Variants in CDK15 observed in about 807,000 individuals in gnomAD.
CDK15 encodes cyclin dependent kinase 15, also known as cyclin-dependent kinase 15.
A neutral mutation model predicts 60.3 loss-of-function variants in CDK15; 62 were observed. The ratio of observed to expected loss-of-function variants is 1.03; its 90% CI spans 0.84 to 1.27. The LOEUF (loss-of-function observed/expected upper bound fraction) is 1.27. Among genes scored for constraint, CDK15 ranks in the 50% most tolerant of loss-of-function variants. The pLI, the probability that CDK15 is intolerant of heterozygous loss-of-function variation, is 0.00. For missense variants in CDK15, 541 were observed against 527.8 expected (o/e 1.03, Z -0.25); for synonymous variants, 194 against 195.7 (o/e 0.99, Z 0.07).
At chr2:201,830,357 A>T (rs1274828781) in intron 6 of CDK15, among the ~76,000 whole-genome samples, 2 of 152,248 alleles carry the variant, frequency 1.3e-5, no homozygotes, top group Non-Finnish European at 1.5e-5. Flanking sequence ...TCAGGAAGGA[A>T]GGCATGGTCT....
intron 6 of CDK15, among the ~76,000 whole-genome samples, chr2:201,831,951 T>TA (rs1218895753): frequency 6.6e-6 from 1 of 152,220 alleles, no homozygotes; most frequent in Non-Finnish European, 1.5e-5. Context: ...ATAAGCATGC[T>TA]ATCCCAAAGG....
chr2:201,823,575 C>A, intron 5 of CDK15, 90 bp from the exon 6 acceptor site: 1 of 1,172,724 alleles, frequency 8.5e-7, no homozygotes, highest in Non-Finnish European at 1.3e-6. Flanking sequence ...TTCGTAATAC[C>A]TTCTGACAGT....
At chr2:201,865,918 A>AAAAAG (rs2105807096) in intron 10 of CDK15, among the ~76,000 whole-genome samples, 1 of 149,282 alleles carries the variant, frequency 6.7e-6, no homozygotes, top group African/African-American at 2.4e-5. Flanking sequence ...AAAAAAAAAA[A>AAAAAG]AGCTTGGGAA....
chr2:201,829,187 T>G (rs1696642947), intron 6 of CDK15, among the ~76,000 whole-genome samples: 1 of 151,580 alleles, frequency 6.6e-6, no homozygotes, highest in Non-Finnish European at 1.5e-5. Flanking sequence ...AGGGCAATAC[T>G]TTTTTTTTGA....
chr2:201,831,441 C>T (rs1159713575), intron 6 of CDK15, among the ~76,000 whole-genome samples: 1 of 152,064 alleles, frequency 6.6e-6, no homozygotes, highest in Non-Finnish European at 1.5e-5. Context: ...GTGCAGACAC[C>T]ATCATATTTG....
intron 12 of CDK15, among the ~76,000 whole-genome samples, chr2:201,881,109 A>T (rs1352463385): frequency 6.6e-6 from 1 of 152,032 alleles, no homozygotes; most frequent in Admixed American, 6.6e-5. Context: ...TGAGATAAGG[A>T]TGGGGACAGG....
At chr2:201,819,842 A>G (rs142897137) in intron 4 of CDK15, among the ~76,000 whole-genome samples, 30 of 152,356 alleles carry the variant, frequency 2.0e-4, no homozygotes, top group African/African-American at 4.8e-4. Context: ...AGTAACTCCA[A>G]TGTAAGTGAA....
At chr2:201,879,936 C>A in intron 11 of CDK15, 92 bp from the exon 12 acceptor site, 1 of 1,468,298 alleles carries the variant, frequency 6.8e-7, no homozygotes, top group Non-Finnish European at 9.1e-7. Context: ...TAAGTCTAGC[C>A]ATCTCCTTTT....
chr2:201,824,752 C>A, intron 6 of CDK15: 1 of 670,458 alleles, frequency 1.5e-6, no homozygotes, highest in Non-Finnish European at 2.1e-6. Flanking sequence ...CAAAGTTATC[C>A]TTCAAGAGCT....
chr2:201,839,095 T>C (rs1697261413), intron 8 of CDK15, among the ~76,000 whole-genome samples: 1 of 152,192 alleles, frequency 6.6e-6, no homozygotes, highest in Non-Finnish European at 1.5e-5. Context: ...TTCTGTGACT[T>C]GGCTTTGTTT....
intron 3 of CDK15, among the ~76,000 whole-genome samples, chr2:201,812,241 G>C (rs546099433): frequency 6.9e-6 from 1 of 145,718 alleles, no homozygotes; most frequent in Non-Finnish European, 1.5e-5. Flanking sequence ...ATAATAATAA[G>C]CTCCAAATTT....
chr2:201,860,717 G>C (rs1258434730), intron 10 of CDK15: 1 of 1,352,094 alleles, frequency 7.4e-7, no homozygotes, highest in Non-Finnish European at 9.8e-7. Context: ...CAGTATGCTT[G>C]CTTTATCAAC....
At chr2:201,853,348 G>T (rs1697993289) in intron 9 of CDK15, among the ~76,000 whole-genome samples, 1 of 151,932 alleles carries the variant, frequency 6.6e-6, no homozygotes, top group South Asian at 2.1e-4. Flanking sequence ...ATTATATGAG[G>T]GAAAATAGCA....
At chr2:201,836,004 ATATTTT>A (rs1394277642) in intron 8 of CDK15, among the ~76,000 whole-genome samples, 1 of 84,648 alleles carries the variant, frequency 1.2e-5, no homozygotes, top group Non-Finnish European at 2.5e-5. Context: ...ATATATATTT[ATATTTT>A]TATATTTTTA....
intron 9 of CDK15, among the ~76,000 whole-genome samples, chr2:201,848,850 G>A (rs1697783982): frequency 6.6e-6 from 1 of 151,678 alleles, no homozygotes; most frequent in African/African-American, 2.4e-5. Context: ...ATTAATTACT[G>A]ACATTAAATT....
Position 201,894,373 on chromosome 2 carries a change from T to A in CDK15, c.*1106T>A, listed in dbSNP as rs2105852340. 1 of 152,262 alleles carries A rather than the reference T, an allele frequency of 6.6e-6. No homozygotes were observed. Among genetic ancestry groups the A allele is most frequent in the East Asian group, 1.9e-4 (1 of 5,182 alleles). 9.4% of individuals were successfully genotyped at this position (152,262 alleles called of 1,614,324 possible). A position where few individuals can be genotyped will look rare whatever the true frequency, so the allele number is the denominator to read the frequency against. On this transcript the variant is annotated 3_prime_UTR_variant, in exon 14 of 14. Transcript: ENST00000652192. ...GAAAAAGACACATGGGTAGCCCAAA[T>A]CAACCTGCCTGAGTAAGTATCTGAT...
intron 8 of CDK15, among the ~76,000 whole-genome samples, chr2:201,836,243 G>A (rs1202768940): frequency 8.7e-6 from 1 of 114,482 alleles, no homozygotes; most frequent in Non-Finnish European, 1.7e-5. Flanking sequence ...TCACTCTATT[G>A]CCCAGGCTGG....
chr2:201,848,637 T>G (rs1697774130), intron 9 of CDK15, among the ~76,000 whole-genome samples: 1 of 152,112 alleles, frequency 6.6e-6, no homozygotes, highest in Admixed American at 6.6e-5. Flanking sequence ...CTCATATAAG[T>G]GGAATCATAC....
chr2:201,830,223 G>A (rs1445541809), intron 6 of CDK15, among the ~76,000 whole-genome samples: 1 of 152,142 alleles, frequency 6.6e-6, no homozygotes, highest in Admixed American at 6.5e-5. Flanking sequence ...TTACACGTGT[G>A]AGTCCCTGCG....
Sources: allele counts gnomAD v4.1 joint callset (sites outside exome capture counted in the v4.1 genomes callset), GRCh38; gene constraint gnomAD v4.1.1; transcripts MANE v1.5; gene names NCBI Gene and HGNC (gene_info 2026-07-23, HGNC 2026-07-21).